USP31: variants seen among roughly 807,000 people sequenced by gnomAD.
USP31 encodes the protein ubiquitin specific peptidase 31.
A neutral mutation model predicts 119.4 loss-of-function variants in USP31; 44 were observed. The observed-to-expected ratio is 0.37, with a 90% CI of 0.29 to 0.47. The LOEUF (loss-of-function observed/expected upper bound fraction) is 0.47, where lower values mean the gene tolerates loss of function less well. USP31 is among the 20% of genes least tolerant of loss of function. The pLI, the probability that USP31 is intolerant of heterozygous loss-of-function variation, is 0.99. For synonymous variants in USP31, 749 were observed against 705.6 expected, an observed-to-expected ratio of 1.06 and a Z score of -0.97; for missense variants, 1,643 against 1,730.2, an observed-to-expected ratio of 0.95 and a Z score of 0.89.
At position 23,106,294 on chromosome 16, in the gene USP31, G is replaced by A. The variant is rs1218846901; in HGVS notation, c.872C>T (p.Thr291Met). ...LFQAQYRSSL[T>M]CPHCQKQSNT... ...GCTCTGTTTCTGACAATGAGGACAC[G>A]TCAAAGAAGATCTTCAAAACAAAAA... The change falls in exon 4 of 16, where the codon ACG (threonine) becomes ATG (methionine). Residue 291 changes from threonine to methionine, a missense_variant. Thr to Met is a moderately conservative substitution (Grantham distance 81). Transcript: ENST00000219689. The A allele has an allele frequency of 6.2e-6, 10 of 1,613,988 alleles. No homozygotes were observed. The highest frequency in any genetic ancestry group is 1.7e-5 in the Admixed American group (1 of 60,010).
intron 5 of USP31, among the ~76,000 whole-genome samples, chr16:23,103,491 T>A (rs766251656): frequency 2.6e-5 from 4 of 152,208 alleles, no homozygotes; most frequent in Non-Finnish European, 5.9e-5. Flanking sequence ...ATAATGTATA[T>A]ATGCATGGAA....
chr16:23,109,286 C>G (rs1286001347), intron 1 of USP31, among the ~76,000 whole-genome samples: 1 of 152,098 alleles, frequency 6.6e-6, no homozygotes, highest in Admixed American at 6.5e-5. Context: ...AACTAGGGCT[C>G]CTTGGAGAAA....
intron 1 of USP31, 22 bp downstream of exon 1, chr16:23,148,616 G>A: frequency 6.9e-7 from 1 of 1,449,078 alleles, no homozygotes; most frequent in Non-Finnish European, 9.0e-7. Flanking sequence ...TGCAGTGGGG[G>A]CGCGGCGGCG....
At chr16:23,084,219 G>T (rs534724353) in intron 11 of USP31, among the ~76,000 whole-genome samples, 7 of 152,200 alleles carry the variant, frequency 4.6e-5, no homozygotes, top group African/African-American at 1.7e-4. Context: ...TGTTTATAAG[G>T]TGCATAAAAA....
At chr16:23,077,317 A>G (rs1489846878) in intron 13 of USP31, among the ~76,000 whole-genome samples, 1 of 152,224 alleles carries the variant, frequency 6.6e-6, no homozygotes, top group African/African-American at 2.4e-5. Context: ...CAGTAAAATG[A>G]GTTTGAAAAA....
chr16:23,123,217 C>A (rs780745790), intron 1 of USP31, among the ~76,000 whole-genome samples: 3 of 152,138 alleles, frequency 2.0e-5, no homozygotes, highest in Non-Finnish European at 4.4e-5. Context: ...ATATATTTTT[C>A]TGTATGTATG....
intron 6 of USP31, among the ~76,000 whole-genome samples, chr16:23,100,365 A>G (rs1901796859): frequency 2.6e-5 from 4 of 152,256 alleles, no homozygotes; most frequent in Admixed American, 2.6e-4. Flanking sequence ...TATATGCTAC[A>G]ACATGAATGA....
rs1468083622 is a variant in USP31, at chr16:23,062,843, C to A, written c.*5203G>T. On this transcript the variant is annotated 3_prime_UTR_variant, in exon 16 of 16. Coordinates refer to ENST00000219689, the MANE Select transcript of USP31 (RefSeq NM_020718.4). The stretch of plus-strand genomic sequence containing the variant: ...AGTTTGATATCAGTATCTCTCAATT[C>A]TTTTTATTCTTATTTTTTCTGCTTC... 1 of 152,550 alleles carries A rather than the reference C, an allele frequency of 6.6e-6. No individual in the cohort carries two copies. The highest frequency in any genetic ancestry group is 1.5e-5 in the Non-Finnish European group (1 of 68,018). The allele number at this position is 152,550 out of a possible 1,614,324, so 9.4% of individuals were successfully genotyped here. A position where few individuals can be genotyped will look rare whatever the true frequency, so the allele number is the denominator to read the frequency against.
At chr16:23,101,970 T>TAAA (rs34773118) in intron 6 of USP31, among the ~76,000 whole-genome samples, 105 of 85,508 alleles carry the variant, frequency 1.2e-3, no homozygotes, top group Admixed American at 1.8e-3. Context: ...TAGCAAAATT[T>TAAA]AAAAAAAAAA....
chr16:23,132,138 G>A (rs879101575), intron 1 of USP31, among the ~76,000 whole-genome samples: 3 of 152,128 alleles, frequency 2.0e-5, no homozygotes, highest in African/African-American at 4.8e-5. Flanking sequence ...ACAATCAAAC[G>A]AAAGACAAGA....
At chr16:23,132,144 C>A (rs1468270902) in intron 1 of USP31, among the ~76,000 whole-genome samples, 3 of 152,168 alleles carry the variant, frequency 2.0e-5, no homozygotes, top group African/African-American at 4.8e-5. Flanking sequence ...AAACGAAAGA[C>A]AAGATATCCC....
At chr16:23,087,662 A>G in intron 8 of USP31, 62 bp downstream of exon 8, 1 of 1,417,774 alleles carries the variant, frequency 7.1e-7, no homozygotes, top group Non-Finnish European at 9.8e-7. Flanking sequence ...TTTCATTGTA[A>G]TGTTTGTTTC....
At position 23,125,892 on chromosome 16, in the gene USP31, G is replaced by A. The variant is rs530927024; in HGVS notation, c.634-17709C>T. On this transcript the variant is annotated intron_variant, in intron 1 of 15. Transcript: ENST00000219689. ...AAAGCGTTGAATTTCCTTCTCTAGAGTTTGGAAACAGCCTTTCTCTGCTCC... is the reference window on the plus strand; with the variant it reads ...AAAGCGTTGAATTTCCTTCTCTAGAATTTGGAAACAGCCTTTCTCTGCTCC... Among the ~76,000 whole-genome samples the A allele has an allele frequency of 3.3e-5, 5 of 152,302 alleles. No homozygotes were observed. In the South Asian group the frequency reaches 1.0e-3, roughly 32 times the overall value.
At position 23,080,163 on chromosome 16, in the gene USP31, G is replaced by A. The variant is rs1419866882; in HGVS notation, c.1959C>T (p.Asp653=). ...CCATGTTCTGAAGTTTCATGCGCCT[G>A]TCTCCTTCCTGTTGCAAGAAGAAAA... ...IHLKRFRQEG[D]RRMKLQNMVK... is the part of the protein sequence containing the mutation. Residue 653 remains aspartate (D), a synonymous_variant, in exon 13 of 16, where the codon GAC becomes GAT. Transcript: ENST00000219689. The A allele has an allele frequency of 1.9e-6, 3 of 1,541,366 alleles. No homozygotes were observed. Among genetic ancestry groups the A allele is most frequent in the East Asian group, 4.7e-5 (2 of 42,948 alleles).
chr16:23,102,228 T>A (rs979074428), intron 6 of USP31, 91 bp downstream of exon 6: 43 of 1,305,534 alleles, frequency 3.3e-5, no homozygotes, highest in Non-Finnish European at 4.3e-5. Context: ...TAAAAAAAAA[T>A]GTATATCATT....
intron 1 of USP31, among the ~76,000 whole-genome samples, chr16:23,146,588 C>G (rs927386406): frequency 2.6e-5 from 4 of 151,986 alleles, no homozygotes; most frequent in African/African-American, 7.3e-5. Context: ...TTTCCAGTCC[C>G]TATCTCAGTC....
chr16:23,088,283 T>A (rs17796835), intron 7 of USP31, among the ~76,000 whole-genome samples: 25,437 of 152,142 alleles, frequency 0.17, 2,637 homozygotes, highest in Admixed American at 0.26. Flanking sequence ...ACAGTGAAAG[T>A]CAGCTCCAGA....
Position 23,090,720 on chromosome 16 carries a change from T to C in USP31, c.1319A>G (p.Lys440Arg). Reference protein sequence around the residue: ...RLSSPTQTAAKQGKMDSPTSR... With the variant: ...RLSSPTQTAARQGKMDSPTSR... ...TGTGGGAGAATCCATTTTCCCCTGCTTTGCTGCTGTTTGTGTAGGAGAAGA... is the reference window on the plus strand; with the variant it reads ...TGTGGGAGAATCCATTTTCCCCTGCCTTGCTGCTGTTTGTGTAGGAGAAGA... Residue 440 changes from lysine (K) to arginine (R), a missense_variant, in exon 7 of 16, where the codon AAG (lysine) becomes AGG (arginine). Coordinates refer to ENST00000219689, the MANE Select transcript of USP31 (RefSeq NM_020718.4). 6.2e-7 allele frequency: 1 copy of C among 1,614,126 alleles called. No individual in the cohort carries two copies. The highest frequency in any genetic ancestry group is 8.5e-7 in the Non-Finnish European group (1 of 1,179,978).
At position 23,063,805 on chromosome 16, in the gene USP31, G is replaced by A. The variant is rs1365190871; in HGVS notation, c.*4241C>T. On this transcript the variant is annotated 3_prime_UTR_variant, in exon 16 of 16. Coordinates refer to ENST00000219689, the MANE Select transcript of USP31 (RefSeq NM_020718.4). ...TTGCTTGCATAGGTAGTAAGAGCAT[G>A]CTTTCTGAGTTATATGGAGGCCACG... 6.6e-6 allele frequency: 1 copy of A among 151,828 alleles called. No individual in the cohort carries two copies. Among genetic ancestry groups the A allele is most frequent in the Non-Finnish European group, 1.5e-5 (1 of 67,952 alleles). 9.4% of individuals were successfully genotyped at this position (151,828 alleles called of 1,614,324 possible).
Sources: allele counts gnomAD v4.1 joint callset (sites outside exome capture counted in the v4.1 genomes callset), GRCh38; gene constraint gnomAD v4.1.1; transcripts MANE v1.5; gene names NCBI Gene and HGNC (gene_info 2026-07-23, HGNC 2026-07-21).